The following ANO1 variants were observed in gnomAD, a reference collection of about 807,000 sequenced individuals.
ANO1 encodes anoctamin 1.
A neutral mutation model predicts 124.0 loss-of-function variants in ANO1; 59 were observed. That is an observed-to-expected ratio of 0.48 (90% CI 0.39 to 0.59). The LOEUF (loss-of-function observed/expected upper bound fraction) is 0.59. Ranked by LOEUF, ANO1 falls within the 20% of genes least tolerant of loss-of-function variation. The pLI, the probability that ANO1 is intolerant of heterozygous loss-of-function variation, is 0.00. For missense variants in ANO1, 1,059 were observed against 1,328.0 expected (o/e 0.80, Z 3.15); for synonymous variants, 529 against 532.0 (o/e 0.99, Z 0.08).
At chr11:70,075,100 T>A (rs1421371173), upstream of ANO1, 11 of 152,220 alleles carry the variant, frequency 7.2e-5, no homozygotes, top group Non-Finnish European at 1.6e-4. Context: ...AGTCCCTGTG[T>A]CTCCATAATT....
At chr11:70,022,835 C>G (rs1462737436) in intron 1 of ANO1, among the ~76,000 whole-genome samples, 6 of 152,144 alleles carry the variant, frequency 3.9e-5, no homozygotes, top group African/African-American at 1.4e-4. Flanking sequence ...ATCAGCTGAC[C>G]TTGAGGCAGG....
At chr11:70,118,898 A>T (rs1305215608) in intron 8 of ANO1, among the ~76,000 whole-genome samples, 3 of 145,086 alleles carry the variant, frequency 2.1e-5, no homozygotes, top group Non-Finnish European at 4.5e-5. Context: ...AGGTAGGTGG[A>T]TGGATGCATG....
chr11:70,029,154 TG>T (rs1856958272), intron 1 of ANO1, among the ~76,000 whole-genome samples: 1 of 152,194 alleles, frequency 6.6e-6, no homozygotes, highest in Admixed American at 6.5e-5. Flanking sequence ...GATGCATGAA[TG>T]GCACAAGCTT....
chr11:70,052,894 C>G (rs1591059092), intron 1 of ANO1, among the ~76,000 whole-genome samples: 1 of 152,152 alleles, frequency 6.6e-6, no homozygotes, highest in East Asian at 1.9e-4. Context: ...TCTTCCAATC[C>G]ATGAACATGG....
chr11:70,166,116 G>C (rs548604064), intron 20 of ANO1, among the ~76,000 whole-genome samples: 1 of 151,818 alleles, frequency 6.6e-6, no homozygotes, highest in Non-Finnish European at 1.5e-5. Context: ...TCAATAATTC[G>C]AGACCAGCCT....
At chr11:70,112,447 T>C (rs1290724929) in intron 7 of ANO1, among the ~76,000 whole-genome samples, 1 of 152,196 alleles carries the variant, frequency 6.6e-6, no homozygotes, top group Non-Finnish European at 1.5e-5. Flanking sequence ...GCCACTTACC[T>C]GCTCCTCCGC....
At chr11:70,012,633 A>T (rs569397360) in intron 1 of ANO1, among the ~76,000 whole-genome samples, 1 of 150,518 alleles carries the variant, frequency 6.6e-6, no homozygotes, top group South Asian at 2.1e-4. Flanking sequence ...CTAGTCATCC[A>T]TCCATCCATT....
chr11:70,086,720 T>C (rs1329815221), intron 1 of ANO1, among the ~76,000 whole-genome samples: 2 of 152,224 alleles, frequency 1.3e-5, no homozygotes, highest in Non-Finnish European at 2.9e-5. Context: ...GGATGTGCCC[T>C]TCAAGGTCAC....
rs1454800459 is a variant in ANO1, at chr11:70,124,412, C to A, written c.960C>A (p.Val320=). The change falls in exon 9 of 26, where the codon GTC becomes GTA. Residue 320 remains valine, a splice_region_variant and synonymous_variant. Transcript: ENST00000355303. The part of the protein sequence containing the change: ...VFYKYQPIDL[V]RKYFGEKIGL... Reference sequence around the variant, plus strand: ...ATAAGTACCAGCCCATCGACCTGGTCAGGTAAGAACGCGCCACAGCCTGCG... The same window carrying A: ...ATAAGTACCAGCCCATCGACCTGGTAAGGTAAGAACGCGCCACAGCCTGCG... 3 of 1,613,724 alleles carry A rather than the reference C, an allele frequency of 1.9e-6. No homozygotes were observed. In the South Asian group the frequency reaches 3.3e-5, roughly 18 times the overall value.
At chr11:70,056,601 C>T (rs1857439423) in intron 1 of ANO1, 1 of 152,124 alleles carries the variant, frequency 6.6e-6, no homozygotes, top group Non-Finnish European at 1.5e-5. Context: ...AAAAATAAAA[C>T]TGGCATTATG....
chr11:69,969,742 T>C, the ANO1 span, among the ~76,000 whole-genome samples: 1 of 150,560 alleles, frequency 6.6e-6, no homozygotes, highest in Admixed American at 6.6e-5. Flanking sequence ...AGGTCAGGAG[T>C]TCGAGAACAG....
At chr11:70,012,387 C>G (rs1856612407) in intron 1 of ANO1, among the ~76,000 whole-genome samples, 1 of 151,722 alleles carries the variant, frequency 6.6e-6, no homozygotes, top group African/African-American at 2.4e-5. Context: ...TCTATCCATC[C>G]TTTCCTTCAT....
intron 1 of ANO1, chr11:70,018,476 G>T (rs1326136358): frequency 6.6e-6 from 1 of 152,208 alleles, no homozygotes; most frequent in Non-Finnish European, 1.5e-5. Flanking sequence ...GTGAGTGGAG[G>T]TGACATGGCT....
At chr11:70,105,488 AC>A (rs1430098836) in intron 4 of ANO1, among the ~76,000 whole-genome samples, 2 of 152,090 alleles carry the variant, frequency 1.3e-5, no homozygotes, top group Admixed American at 6.5e-5. Context: ...GGGTGGTCTG[AC>A]CGTACTCGCC....
At chr11:69,994,622 G>C (rs976857111) in intron 1 of ANO1, among the ~76,000 whole-genome samples, 4 of 152,094 alleles carry the variant, frequency 2.6e-5, no homozygotes, top group Admixed American at 2.6e-4. Flanking sequence ...TCAATACTTG[G>C]TAAACAGGAA....
At chr11:70,103,229 A>ATGTTTCACTGCCAGGC in intron 3 of ANO1, 65 bp downstream of exon 3, 2 of 1,329,756 alleles carry the variant, frequency 1.5e-6, no homozygotes, top group Non-Finnish European at 2.1e-6. Flanking sequence ...GACGCCTGGC[A>ATGTTTCACTGCCAGGC]GTGAAACATG....
chr11:70,176,112 C>T (rs1052923470), intron 22 of ANO1, among the ~76,000 whole-genome samples: 5 of 149,426 alleles, frequency 3.3e-5, no homozygotes, highest in African/African-American at 1.2e-4. Flanking sequence ...TCCAGAAAGG[C>T]GGGACAGGGC....
chr11:69,970,125 C>G, the ANO1 span, among the ~76,000 whole-genome samples: 1 of 152,108 alleles, frequency 6.6e-6, no homozygotes, highest in Non-Finnish European at 1.5e-5. Context: ...TCCCTGCTAA[C>G]AGGAAATGCA....
chr11:70,104,797 G>A (rs1347649177), intron 4 of ANO1, among the ~76,000 whole-genome samples: 1 of 152,140 alleles, frequency 6.6e-6, no homozygotes, highest in Non-Finnish European at 1.5e-5. Flanking sequence ...AGCTCTGGCG[G>A]GCAGGAGGGC....
Sources: allele counts gnomAD v4.1 joint callset (sites outside exome capture counted in the v4.1 genomes callset), GRCh38; gene constraint gnomAD v4.1.1; transcripts MANE v1.5; gene names NCBI Gene and HGNC (gene_info 2026-07-23, HGNC 2026-07-21).